Variants in XYLT1 observed in about 807,000 individuals in gnomAD.
XYLT1 encodes beta-D-xylosyltransferase 1.
Under a neutral mutation model 91.3 loss-of-function variants are expected in XYLT1, and 36 were observed. The observed-to-expected ratio is 0.39, with a 90% CI of 0.30 to 0.52. The LOEUF (loss-of-function observed/expected upper bound fraction) is 0.52. Among genes scored for constraint, XYLT1 ranks in the 20% least tolerant of loss-of-function variants. The pLI, the probability that XYLT1 is intolerant of heterozygous loss-of-function variation, is 0.68. For missense variants in XYLT1, 1,242 were observed against 1,284.5 expected, an observed-to-expected ratio of 0.97 and a Z score of 0.51; for synonymous variants, 588 against 532.0, an observed-to-expected ratio of 1.11 and a Z score of -1.45.
At chr16:17,290,363 AC>A (rs1480524519) in intron 2 of XYLT1, among the ~76,000 whole-genome samples, 1 of 152,258 alleles carries the variant, frequency 6.6e-6, no homozygotes, top group Non-Finnish European at 1.5e-5. Flanking sequence ...ATGTTTCATT[AC>A]GGTTAAATTC....
chr16:17,460,150 C>T (rs768486171), intron 1 of XYLT1, among the ~76,000 whole-genome samples: 31 of 152,184 alleles, frequency 2.0e-4, no homozygotes, highest in Non-Finnish European at 2.9e-5. Context: ...AGCGCTGGGA[C>T]CAAGCCAAGG....
rs547526600 is a variant in XYLT1 at position 17,358,941 on chromosome 16, G to C, written c.364-891C>G. On this transcript the variant is annotated intron_variant, in intron 1 of 11. Coordinates refer to ENST00000261381, the MANE Select transcript of XYLT1 (RefSeq NM_022166.4). ...GAGAAATGTCCTATTCATTCACTCT[G>C]TACAAAAGCCGATTGACTGGGAATG... 4.5e-4 allele frequency among the ~76,000 whole-genome samples: 68 copies of C among 152,250 alleles called. 2 individuals carry two copies. The South Asian group carries it at 0.013, about 29-fold the overall frequency.
chr16:17,160,621 A>C (rs74942689), intron 5 of XYLT1, among the ~76,000 whole-genome samples: 1 of 152,296 alleles, frequency 6.6e-6, no homozygotes, highest in Non-Finnish European at 1.5e-5. Flanking sequence ...AATACAGCAC[A>C]CACACGGAAA....
intron 7 of XYLT1, chr16:17,138,761 T>G (rs763034620): frequency 1.3e-4 from 65 of 492,652 alleles, no homozygotes; most frequent in Non-Finnish European, 2.1e-4. Context: ...TTCATAGCAA[T>G]GCAAAAATGT....
In XYLT1 at chr16:17,117,668, C is replaced by T. The variant is rs746392043; in HGVS notation, c.2535G>A (p.Ser845=). 1.5e-5 allele frequency: 24 copies of T among 1,612,078 alleles called. No individual in the cohort carries two copies. Among genetic ancestry groups the T allele is most frequent in the African/African-American group, 4.0e-5 (3 of 74,860 alleles). The change falls in exon 11 of 12, where the codon TCG becomes TCA. Residue 845 remains serine, a synonymous_variant. Coordinates refer to ENST00000261381, the MANE Select transcript of XYLT1 (RefSeq NM_022166.4). ...TKFLVAPLTF[S]NRQPIKPEEA... ...TACCAGGTTTGATGGGCTGCCTGTT[C>T]GAGAAGGTCAGAGGCGCAACGAGGA...
At chr16:17,284,021 T>C (rs143507648) in intron 2 of XYLT1, among the ~76,000 whole-genome samples, 2,786 of 152,278 alleles carry the variant, frequency 0.018, 101 homozygotes, top group Admixed American at 0.1. Flanking sequence ...CAGCTCAACA[T>C]AGAGCAGAGG....
rs551952650 is a variant in XYLT1 at position 17,342,407 on chromosome 16, C to A, written c.402+15605G>T. Among the ~76,000 whole-genome samples, 204 of 152,274 alleles carry A rather than the reference C, an allele frequency of 1.3e-3. 1 individual carries two copies. Among genetic ancestry groups the A allele is most frequent in the African/African-American group, 4.7e-3 (197 of 41,546 alleles). On this transcript the variant is annotated intron_variant, in intron 2 of 11. Transcript: ENST00000261381. Reference sequence around the variant, plus strand: ...GCTTTGCTCTCCCATGCTCTCATCGCCATCTGACATGACATATCAACATGC... The same window carrying A: ...GCTTTGCTCTCCCATGCTCTCATCGACATCTGACATGACATATCAACATGC...
At chr16:17,158,474 C>G (rs2031468543) in intron 6 of XYLT1, among the ~76,000 whole-genome samples, 1 of 152,210 alleles carries the variant, frequency 6.6e-6, no homozygotes, top group African/African-American at 2.4e-5. Context: ...AATGAACGAT[C>G]TGGGGACGTT....
chr16:17,151,152 G>A lies in XYLT1; in HGVS notation c.1370+7677C>T, dbSNP rs567817610. ...TAAGCACCCTGACTTCAGGCTGGGC[G>A]TGGTGGCTCACGCCTGTAATCCCAG... On this transcript the variant is annotated intron_variant, in intron 6 of 11. Transcript: ENST00000261381. Among the ~76,000 whole-genome samples the A allele has an allele frequency of 9.8e-5, 15 of 152,312 alleles. No individual in the cohort carries two copies. The South Asian group carries it at 1.0e-3, about 11-fold the overall frequency.
chr16:17,117,991 G>T lies in XYLT1; in HGVS notation c.2224-12C>A. 7 of 1,600,728 alleles carry T rather than the reference G, an allele frequency of 4.4e-6. No individual in the cohort carries two copies. Among genetic ancestry groups the T allele is most frequent in the Non-Finnish European group, 6.0e-6 (7 of 1,170,800 alleles). On this transcript the variant is annotated splice_polypyrimidine_tract_variant and intron_variant, in intron 10 of 11. Transcript: ENST00000261381. ...CAGTCAGTGCCGACCTGAAACAGGG[G>T]AGTGAATTCTGAAGTCACTGGGCCT...
intron 2 of XYLT1, among the ~76,000 whole-genome samples, chr16:17,270,228 C>T (rs1392378952): frequency 6.6e-6 from 1 of 152,252 alleles, no homozygotes. Flanking sequence ...GCCCTTACCC[C>T]TTTCATAGGG....
intron 1 of XYLT1, among the ~76,000 whole-genome samples, chr16:17,374,296 G>T (rs568366488): frequency 6.6e-6 from 1 of 152,302 alleles, no homozygotes; most frequent in African/African-American, 2.4e-5. Flanking sequence ...GGGGCCACCA[G>T]GTCAGGGAGT....
chr16:17,223,609 TTGAAGATAG>T (rs2033011856), intron 3 of XYLT1, among the ~76,000 whole-genome samples: 1 of 152,182 alleles, frequency 6.6e-6, no homozygotes, highest in Admixed American at 6.5e-5. Context: ...ATGCTGTGTG[TTGAAGATAG>T]TGGAGATAGT....
At position 17,134,461 on chromosome 16, in the gene XYLT1, T is replaced by TATAGGGCTC; in HGVS notation, c.2027+3_2027+11dup. 6.2e-7 allele frequency: 1 copy of TATAGGGCTC among 1,613,744 alleles called. No homozygotes were observed. Among genetic ancestry groups the TATAGGGCTC allele is most frequent in the Non-Finnish European group, 8.5e-7 (1 of 1,179,958 alleles). ...TCTCAGCTCTCCTCTCTGCATCCCA[T>TATAGGGCTC]ATAGGGCTCACCGGCAGCTGTTCTC... On this transcript the variant is annotated intron_variant, in intron 9 of 11. Coordinates refer to ENST00000261381, the MANE Select transcript of XYLT1 (RefSeq NM_022166.4).
intron 3 of XYLT1, among the ~76,000 whole-genome samples, chr16:17,204,769 T>C (rs1233371823): frequency 6.6e-6 from 1 of 152,152 alleles, no homozygotes; most frequent in African/African-American, 2.4e-5. Context: ...AGTGAGTCTG[T>C]GATCCCAGAG....
At chr16:17,450,292 T>C (rs2036648793) in intron 1 of XYLT1, among the ~76,000 whole-genome samples, 1 of 151,816 alleles carries the variant, frequency 6.6e-6, no homozygotes, top group South Asian at 2.1e-4. Context: ...GAGCTGAGAT[T>C]GCGCCACTGC....
At chr16:17,430,286 T>C (rs978506848) in intron 1 of XYLT1, among the ~76,000 whole-genome samples, 2 of 152,244 alleles carry the variant, frequency 1.3e-5, no homozygotes, top group East Asian at 3.9e-4. Context: ...AGTACCACCA[T>C]GATGCTCAAA....
intron 2 of XYLT1, among the ~76,000 whole-genome samples, chr16:17,337,775 C>CTTTTTTTTTTTTTTTTTTTT (rs71373106): frequency 1.8e-5 from 2 of 114,216 alleles, no homozygotes. Flanking sequence ...CACATTTTTT[C>CTTTTTTTTTTTTTTTTTTTT]TTTTTCTTTT....
chr16:17,433,168 G>A (rs144865687), intron 1 of XYLT1, among the ~76,000 whole-genome samples: 4 of 152,076 alleles, frequency 2.6e-5, no homozygotes, highest in East Asian at 1.9e-4. Flanking sequence ...AATTCACCTC[G>A]CCCCACATGC....
Sources: allele counts gnomAD v4.1 joint callset (sites outside exome capture counted in the v4.1 genomes callset), GRCh38; gene constraint gnomAD v4.1.1; transcripts MANE v1.5; gene names NCBI Gene and HGNC (gene_info 2026-07-23, HGNC 2026-07-21).